The following SPART variants were observed in gnomAD, a reference collection of about 807,000 sequenced individuals.
The protein encoded by SPART is spartin.
Under a neutral mutation model 58.7 loss-of-function variants are expected in SPART, and 35 were observed. The ratio of observed to expected loss-of-function variants is 0.60; its 90% confidence interval spans 0.46 to 0.79. SPART has a LOEUF of 0.79. SPART is among the 30% of genes least tolerant of loss of function. The probability of loss-of-function intolerance (pLI) is 0.00; values close to 1 mark genes in which losing one functional copy is unlikely to be tolerated. For missense variants in SPART, 730 were observed against 786.1 expected (o/e 0.93, Z 0.85); for synonymous variants, 284 against 280.7 (o/e 1.01, Z -0.12).
upstream of SPART, among the ~76,000 whole-genome samples, chr13:36,350,305 G>A (rs952279219): frequency 4.6e-5 from 7 of 152,154 alleles, no homozygotes; most frequent in Non-Finnish European, 4.4e-5. Context: ...TACACAGATG[G>A]AGCTCTTTCA....
At chr13:36,362,178 C>T (rs763613785) in intron 1 of SPART, among the ~76,000 whole-genome samples, 20 of 151,994 alleles carry the variant, frequency 1.3e-4, no homozygotes, top group Non-Finnish European at 2.8e-4. Flanking sequence ...TGGCAAAACC[C>T]CGTCTCTACT....
chr13:36,345,145 T>C (rs1253860215), intron 1 of SPART, among the ~76,000 whole-genome samples: 3 of 152,174 alleles, frequency 2.0e-5, no homozygotes, highest in Non-Finnish European at 4.4e-5. Flanking sequence ...TATTTGGCCC[T>C]TTACCAAAAA....
chr13:36,364,752 C>T (rs189575923), intron 1 of SPART, among the ~76,000 whole-genome samples: 53 of 152,238 alleles, frequency 3.5e-4, no homozygotes, highest in African/African-American at 1.2e-3. Context: ...TTCTTCTTGC[C>T]GTTTTACAGT....
intron 4 of SPART, 75 bp downstream of exon 4, chr13:36,329,287 G>A: frequency 6.5e-7 from 1 of 1,531,538 alleles, no homozygotes. Context: ...ATGGGAATAT[G>A]ATCATATAAA....
At chr13:36,347,989 A>C (rs1885250279), upstream of SPART, among the ~76,000 whole-genome samples, 1 of 152,160 alleles carries the variant, frequency 6.6e-6, no homozygotes. Flanking sequence ...ATATTTCTTT[A>C]GTCTTGCAAA....
chr13:36,348,021 T>G (rs1180049499), upstream of SPART, among the ~76,000 whole-genome samples: 1 of 152,168 alleles, frequency 6.6e-6, no homozygotes, highest in Non-Finnish European at 1.5e-5. Context: ...CTTGGTGGCT[T>G]ATGCCTGTAG....
chr13:36,350,255 C>T (rs1453737761), upstream of SPART, among the ~76,000 whole-genome samples: 1 of 152,138 alleles, frequency 6.6e-6, no homozygotes, highest in African/African-American at 2.4e-5. Flanking sequence ...GCTTAGATCT[C>T]GCAGGTGAGG....
intron 4 of SPART, 68 bp downstream of exon 4, chr13:36,329,294 T>C (rs1883238574): frequency 1.3e-6 from 2 of 1,570,042 alleles, no homozygotes; most frequent in Non-Finnish European, 8.8e-7. Flanking sequence ...TATGATCATA[T>C]AAATACATGA....
rs1251641670 is a variant in SPART at position 36,357,586 on chromosome 13, A to G, written c.-3+12503T>C. Among the ~76,000 whole-genome samples the G allele has an allele frequency of 3.9e-5, 6 of 152,338 alleles. No individual in the cohort carries two copies. In the East Asian group the frequency reaches 5.8e-4, roughly 15 times the overall value. On this transcript the variant is annotated intron_variant, in intron 1 of 8. Transcript: ENST00000355182. ...TTTATAAAAGGAACCTATAAGTGGAATGTGAAAGAACCCTTTGGCAAAACA... is the reference window on the plus strand; with the variant it reads ...TTTATAAAAGGAACCTATAAGTGGAGTGTGAAAGAACCCTTTGGCAAAACA...
At chr13:36,319,557 C>G (rs540443065) in intron 5 of SPART, among the ~76,000 whole-genome samples, 1 of 152,066 alleles carries the variant, frequency 6.6e-6, no homozygotes, top group South Asian at 2.1e-4. Context: ...TGAAACCAGA[C>G]AAGCCTTACA....
chr13:36,330,330 A>T (rs1160823716), intron 3 of SPART, among the ~76,000 whole-genome samples: 1 of 152,106 alleles, frequency 6.6e-6, no homozygotes, highest in Non-Finnish European at 1.5e-5. Flanking sequence ...TATGCTGATC[A>T]TGTATTTTGT....
intron 1 of SPART, among the ~76,000 whole-genome samples, chr13:36,359,284 G>T (rs1885744653): frequency 1.3e-5 from 2 of 152,218 alleles, no homozygotes; most frequent in African/African-American, 4.8e-5. Context: ...CTTGTGACTA[G>T]TAAGTGGTAA....
chr13:36,310,541 T>G (rs1880982711), intron 8 of SPART, among the ~76,000 whole-genome samples: 3 of 152,218 alleles, frequency 2.0e-5, no homozygotes, highest in African/African-American at 7.2e-5. Context: ...GCTTGAAACC[T>G]AGTTGTATCC....
chr13:36,331,651 T>C (rs1883478449), intron 2 of SPART, 55 bp from the exon 3 acceptor site: 6 of 1,242,994 alleles, frequency 4.8e-6, no homozygotes, highest in Non-Finnish European at 5.7e-6. Flanking sequence ...TGAAACTAGA[T>C]TTTCATTTAT....
At chr13:36,307,590 ATAT>A (rs1017709994) in intron 8 of SPART, among the ~76,000 whole-genome samples, 35 of 152,132 alleles carry the variant, frequency 2.3e-4, no homozygotes, top group African/African-American at 8.0e-4. Context: ...TATCAAAGCT[ATAT>A]TATTATTCTT....
chr13:36,330,403 G>A lies in SPART; in HGVS notation c.1009-886C>T, dbSNP rs563839647. On this transcript the variant is annotated intron_variant, in intron 3 of 8. Coordinates refer to ENST00000438666, the MANE Select transcript of SPART (RefSeq NM_015087.5). ...ACCACCAGGTAGGTCATTCTCGGGT[G>A]AACAGGGGCTGATTTTATATTTTCA... Among the ~76,000 whole-genome samples, 27 of 149,316 alleles carry A rather than the reference G, an allele frequency of 1.8e-4. No homozygotes were observed. In the South Asian group the frequency reaches 5.1e-3, roughly 28 times the overall value.
chr13:36,357,821 G>A (rs548559455), intron 1 of SPART, among the ~76,000 whole-genome samples: 2 of 152,308 alleles, frequency 1.3e-5, no homozygotes, highest in East Asian at 3.9e-4. Context: ...AGAAAAATGT[G>A]TGATGAATTG....
chr13:36,332,225 C>T (rs138259339), intron 2 of SPART, among the ~76,000 whole-genome samples: 47 of 152,342 alleles, frequency 3.1e-4, no homozygotes, highest in African/African-American at 1.1e-3. Flanking sequence ...GGCACAGTGG[C>T]TCACACCTAT....
At chr13:36,321,647 T>TTC (rs1882412223) in intron 5 of SPART, among the ~76,000 whole-genome samples, 2 of 152,002 alleles carry the variant, frequency 1.3e-5, no homozygotes, top group South Asian at 2.1e-4. Flanking sequence ...ACATCGCCCA[T>TTC]TCTCTCTCCA....
Sources: allele counts gnomAD v4.1 joint callset (sites outside exome capture counted in the v4.1 genomes callset), GRCh38; gene constraint gnomAD v4.1.1; transcripts MANE v1.5; gene names NCBI Gene and HGNC (gene_info 2026-07-23, HGNC 2026-07-21).